MIA2: variants seen among roughly 807,000 people sequenced by gnomAD.
MIA2 encodes the protein MIA SH3 domain ER export factor 2.
Under a neutral mutation model 167.8 loss-of-function variants are expected in MIA2, and 127 were observed. That is an observed-to-expected ratio of 0.76 (90% confidence interval 0.66 to 0.88). The LOEUF is 0.88. Ranked by LOEUF, MIA2 falls within the 40% of genes least tolerant of loss-of-function variation. The pLI, the probability that MIA2 is intolerant of heterozygous loss-of-function variation, is 0.00. For synonymous variants in MIA2, 552 were observed against 541.9 expected (o/e 1.02, Z -0.26); for missense variants, 1,690 against 1,624.7 (o/e 1.04, Z -0.69).
At chr14:39,369,245 G>T (rs1241788395) in intron 23 of MIA2, among the ~76,000 whole-genome samples, 1 of 152,152 alleles carries the variant, frequency 6.6e-6, no homozygotes, top group East Asian at 1.9e-4. Context: ...CAGGGTGAAG[G>T]CTGTTCAGAT....
At chr14:39,280,738 A>G (rs546279674) in intron 9 of MIA2, among the ~76,000 whole-genome samples, 11 of 151,820 alleles carry the variant, frequency 7.2e-5, no homozygotes, top group East Asian at 3.9e-4. Flanking sequence ...TCTCAAAACA[A>G]ACAAACAAAC....
chr14:39,315,826 C>G, intron 21 of MIA2, 108 bp downstream of exon 21: 1 of 738,440 alleles, frequency 1.4e-6, no homozygotes, highest in Non-Finnish European at 2.1e-6. Context: ...TCTAAAAAAT[C>G]AGTTTCTTTT....
Position 39,298,530 on chromosome 14 carries a change from GTTTT to G in MIA2, c.2497-1313_2497-1310del, listed in dbSNP as rs764475842. On this transcript the variant is annotated intron_variant, in intron 13 of 28. Coordinates refer to ENST00000640607, the MANE Select transcript of MIA2 (RefSeq NM_001329214.4). ...AATAATTACTGTTTGGTAGAACAGA[GTTTT>G]TTTTTTTTTTTTTTTTTTTTGTGAG... is the stretch of plus-strand genomic sequence containing the variant. 2.4e-3 allele frequency among the ~76,000 whole-genome samples: 64 copies of G among 26,180 alleles called. 5 individuals carry two copies. The highest frequency in any genetic ancestry group is 7.7e-3 in the African/African-American group (49 of 6,396). 17.2% of individuals were successfully genotyped at this position (26,180 alleles called of 152,430 possible).
chr14:39,381,168 G>T (rs527236359), intron 23 of MIA2, among the ~76,000 whole-genome samples: 1 of 152,124 alleles, frequency 6.6e-6, no homozygotes, highest in Non-Finnish European at 1.5e-5. Context: ...TTTTCATTAA[G>T]GAATCCTAGG....
intron 23 of MIA2, among the ~76,000 whole-genome samples, chr14:39,356,705 C>T (rs1315546153): frequency 4.6e-5 from 7 of 152,178 alleles, no homozygotes; most frequent in African/African-American, 1.7e-4. Context: ...ATAAATTTCC[C>T]TCTACACACT....
At position 39,321,020 on chromosome 14, in the gene MIA2, A is replaced by G. The variant is rs748969318; in HGVS notation, c.3460A>G (p.Arg1154Gly). 1.2e-6 allele frequency: 2 copies of G among 1,613,678 alleles called. No homozygotes were observed. Among genetic ancestry groups the G allele is most frequent in the Non-Finnish European group, 1.7e-6 (2 of 1,179,740 alleles). Reference protein sequence around the residue: ...SPPTLLEGPLRLSPLLPGGGG... With the variant: ...SPPTLLEGPLGLSPLLPGGGG... The stretch of plus-strand genomic sequence containing the variant: ...TCCAACTTTGTTGGAGGGTCCACTC[A>G]GACTCTCACCTTTGCTTCCAGGGGG... Residue 1154 changes from arginine to glycine, a missense_variant, in exon 24 of 29, where the codon AGA becomes GGA. By Grantham distance (125) the Arg-to-Gly change is moderately radical (BLOSUM62 -2). Coordinates refer to ENST00000640607, the MANE Select transcript of MIA2 (RefSeq NM_001329214.4).
rs2054379989 is a variant in MIA2 at position 39,247,826 on chromosome 14, G to C, written c.1252G>C (p.Glu418Gln). The C allele has an allele frequency of 6.3e-7, 1 of 1,595,042 alleles. No homozygotes were observed. The highest frequency in any genetic ancestry group is 1.4e-5 in the African/African-American group (1 of 73,368). Reference sequence around the variant, plus strand: ...TGAACATGAACATCCTCTAACAAGTGAATTAGACCCTGAAAAAGAACAAGA... The same window carrying C: ...TGAACATGAACATCCTCTAACAAGTCAATTAGACCCTGAAAAAGAACAAGA... ...ADEHEHPLTS[E>Q]LDPEKEQEIE... is the part of the protein sequence containing the mutation. Residue 418 changes from glutamate (E) to glutamine (Q), a missense_variant, in exon 4 of 29, where the codon GAA (glutamate) becomes CAA (glutamine). By Grantham distance (29) the Glu-to-Gln change is conservative. Coordinates refer to ENST00000640607, the MANE Select transcript of MIA2 (RefSeq NM_001329214.4).
At chr14:39,264,421 C>G (rs138639440) in intron 6 of MIA2, among the ~76,000 whole-genome samples, 26 of 152,246 alleles carry the variant, frequency 1.7e-4, no homozygotes, top group Middle Eastern at 3.4e-3. Context: ...GTGCACGTGT[C>G]TTTTGTTAGA....
Position 39,337,607 on chromosome 14 carries a change from C to G in MIA2, c.3656-8297C>G, listed in dbSNP as rs552219329. Among the ~76,000 whole-genome samples, 3 of 152,284 alleles carry G rather than the reference C, an allele frequency of 2.0e-5. No individual in the cohort carries two copies. The South Asian group carries it at 6.2e-4, about 32-fold the overall frequency. On this transcript the variant is annotated intron_variant, in intron 25 of 28. Coordinates refer to ENST00000640607, the MANE Select transcript of MIA2 (RefSeq NM_001329214.4). ...GTATGTTCTTTGATCACAATGGAAT[C>G]AAACTATAAATAATAAACTATTGAT...
chr14:39,265,808 CTTG>C, intron 6 of MIA2: 2 of 227,646 alleles, frequency 8.8e-6, no homozygotes, highest in South Asian at 1.2e-4. Flanking sequence ...TTTGATTATG[CTTG>C]TTTTGACTTT....
chr14:39,298,772 T>G (rs191476623), intron 13 of MIA2, among the ~76,000 whole-genome samples: 54 of 151,738 alleles, frequency 3.6e-4, no homozygotes, highest in African/African-American at 1.2e-3. Context: ...ATTAACCTTT[T>G]GCTACAAATA....
chr14:39,253,063 A>G lies in MIA2; in HGVS notation c.1787-8A>G. 1 of 1,580,712 alleles carries G rather than the reference A, an allele frequency of 6.3e-7. No individual in the cohort carries two copies. The highest frequency in any genetic ancestry group is 8.6e-7 in the Non-Finnish European group (1 of 1,163,308). ...CATGCTAACATATTTTTATTTATAAATCAACAGAAGATGCTTCTGAGTTTC... is the reference window on the plus strand; with the variant it reads ...CATGCTAACATATTTTTATTTATAAGTCAACAGAAGATGCTTCTGAGTTTC... On this transcript the variant is annotated splice_region_variant and splice_polypyrimidine_tract_variant and intron_variant, in intron 5 of 28. Transcript: ENST00000640607.
Position 39,291,112 on chromosome 14 carries a change from G to A in MIA2, c.2208+16G>A, listed in dbSNP as rs528756977. On this transcript the variant is annotated intron_variant, in intron 10 of 28. Coordinates refer to ENST00000640607, the MANE Select transcript of MIA2 (RefSeq NM_001329214.4). ...AAGTTTGGAGGTAGAAAATCAAATG[G>A]TATAATTTTAAAAGCTGGGGAAAAA... 10 of 1,574,722 alleles carry A rather than the reference G, an allele frequency of 6.4e-6. No homozygotes were observed. Among genetic ancestry groups the A allele is most frequent in the South Asian group, 4.8e-5 (4 of 83,368 alleles).
intron 6 of MIA2, among the ~76,000 whole-genome samples, chr14:39,261,643 C>T (rs2055122385): frequency 6.6e-6 from 1 of 152,166 alleles, no homozygotes. Context: ...ACATCCTCTC[C>T]AGCACCTGTT....
chr14:39,267,295 G>A (rs1045301248), intron 6 of MIA2: 4 of 1,464,070 alleles, frequency 2.7e-6, no homozygotes, highest in Non-Finnish European at 3.6e-6. Context: ...AGGCCTGCGG[G>A]TGCCCCTGTC....
At chr14:39,362,207 T>G (rs1017967396) in intron 23 of MIA2, among the ~76,000 whole-genome samples, 4 of 152,214 alleles carry the variant, frequency 2.6e-5, no homozygotes, top group African/African-American at 9.6e-5. Context: ...CCTTATAGAA[T>G]GAGTTAGGGA....
intron 2 of MIA2, among the ~76,000 whole-genome samples, chr14:39,240,205 G>A (rs114803260): frequency 1.5e-3 from 225 of 152,248 alleles, no homozygotes; most frequent in African/African-American, 5.1e-3. Flanking sequence ...GGCTACCGCC[G>A]CCATTGCCTT....
At chr14:39,360,170 C>T (rs1005972811) in intron 23 of MIA2, among the ~76,000 whole-genome samples, 8 of 152,128 alleles carry the variant, frequency 5.3e-5, no homozygotes, top group Admixed American at 1.3e-4. Context: ...GGCATGGTGG[C>T]GTGTACCTTT....
At chr14:39,340,392 T>C (rs750644905) in intron 25 of MIA2, among the ~76,000 whole-genome samples, 4 of 152,210 alleles carry the variant, frequency 2.6e-5, no homozygotes, top group South Asian at 2.1e-4. Flanking sequence ...AGACATATAG[T>C]GTACAGCTAA....
Sources: allele counts gnomAD v4.1 joint callset (sites outside exome capture counted in the v4.1 genomes callset), GRCh38; gene constraint gnomAD v4.1.1; transcripts MANE v1.5; gene names NCBI Gene and HGNC (gene_info 2026-07-23, HGNC 2026-07-21).